The following ADCY8 variants were observed in gnomAD, a reference collection of about 807,000 sequenced individuals.
ADCY8 encodes the protein adenylate cyclase 8, also known as adenylate cyclase type 8.
A neutral mutation model predicts 119.7 loss-of-function variants in ADCY8; 51 were observed. That is an observed-to-expected ratio of 0.43 (90% CI 0.34 to 0.54). The LOEUF (loss-of-function observed/expected upper bound fraction) is 0.54, where lower values mean the gene tolerates loss of function less well. ADCY8 is among the 20% of genes least tolerant of loss of function. The pLI, the probability that ADCY8 is intolerant of heterozygous loss-of-function variation, is 0.03. For missense variants in ADCY8, 1,383 were observed against 1,598.8 expected (o/e 0.87, Z 2.30); for synonymous variants, 665 against 651.0 (o/e 1.02, Z -0.33).
At chr8:130,936,073 ATGTG>A (rs35028784) in intron 5 of ADCY8, among the ~76,000 whole-genome samples, 200 of 147,174 alleles carry the variant, frequency 1.4e-3, no homozygotes, top group African/African-American at 4.2e-3. Flanking sequence ...AAGCACTGAC[ATGTG>A]TGTGTGTGTG....
At chr8:130,836,045 C>T (rs1816975564) in intron 12 of ADCY8, among the ~76,000 whole-genome samples, 2 of 152,132 alleles carry the variant, frequency 1.3e-5, no homozygotes, top group Admixed American at 6.5e-5. Flanking sequence ...GAGACCTGAG[C>T]TACTATTCAG....
At chr8:130,846,878 T>TTCCCTCCCCTCCCTTCCCTTCCCC (rs1817337166) in intron 11 of ADCY8, among the ~76,000 whole-genome samples, 1 of 24,316 alleles carries the variant, frequency 4.1e-5, no homozygotes, top group Non-Finnish European at 7.0e-5. Flanking sequence ...TTCCCTTCCC[T>TTCCCTCCCCTCCCTTCCCTTCCCC]TCCCTTCCCT....
intron 12 of ADCY8, among the ~76,000 whole-genome samples, chr8:130,830,207 G>T (rs1377767766): frequency 6.6e-6 from 1 of 152,156 alleles, no homozygotes; most frequent in Non-Finnish European, 1.5e-5. Flanking sequence ...ACAAAGGAAA[G>T]CCTGTAAAAA....
chr8:130,889,113 T>C (rs546945839), intron 7 of ADCY8, among the ~76,000 whole-genome samples: 5 of 152,276 alleles, frequency 3.3e-5, no homozygotes, highest in African/African-American at 1.2e-4. Context: ...TAATTCACTC[T>C]TTCTCAAAAA....
At chr8:130,877,372 G>A (rs2130434058) in intron 8 of ADCY8, among the ~76,000 whole-genome samples, 1 of 152,254 alleles carries the variant, frequency 6.6e-6, no homozygotes, top group East Asian at 1.9e-4. Context: ...CAATGGAGTG[G>A]ACACAAACAG....
chr8:130,854,122 C>T (rs1207506043), intron 9 of ADCY8, among the ~76,000 whole-genome samples: 1 of 152,186 alleles, frequency 6.6e-6, no homozygotes, highest in Non-Finnish European at 1.5e-5. Context: ...ATCTCTGCAG[C>T]AGTTCCTCAG....
chr8:130,953,085 A>C (rs1319986559), intron 2 of ADCY8, among the ~76,000 whole-genome samples: 1 of 152,240 alleles, frequency 6.6e-6, no homozygotes, highest in Non-Finnish European at 1.5e-5. Flanking sequence ...TGTGGAAACT[A>C]GGCAAGAGGC....
chr8:130,946,618 A>T, intron 3 of ADCY8, among the ~76,000 whole-genome samples: 1 of 152,192 alleles, frequency 6.6e-6, no homozygotes, highest in East Asian at 1.9e-4. Flanking sequence ...GCACAATCAT[A>T]TGTGGCTAAG....
At chr8:130,850,150 C>A (rs1398045537) in intron 9 of ADCY8, among the ~76,000 whole-genome samples, 3 of 152,122 alleles carry the variant, frequency 2.0e-5, no homozygotes, top group East Asian at 1.9e-4. Flanking sequence ...ACCCACATAC[C>A]CTTTTCCCTT....
At chr8:130,968,467 G>T (rs977963839) in intron 2 of ADCY8, among the ~76,000 whole-genome samples, 1 of 152,114 alleles carries the variant, frequency 6.6e-6, no homozygotes, top group South Asian at 2.1e-4. Flanking sequence ...CACCGCACCC[G>T]GCCAGTTATT....
chr8:130,819,254 G>A (rs1409253160), intron 13 of ADCY8, among the ~76,000 whole-genome samples: 1 of 152,148 alleles, frequency 6.6e-6, no homozygotes, highest in East Asian at 1.9e-4. Context: ...ATGAGATGTG[G>A]TTATATAATT....
chr8:131,029,303 G>A (rs367830515), intron 1 of ADCY8, among the ~76,000 whole-genome samples: 7 of 152,262 alleles, frequency 4.6e-5, no homozygotes, highest in East Asian at 1.9e-4. Context: ...ATATTACAAC[G>A]TAATAATAAC....
chr8:131,007,110 A>T (rs1474461121), intron 1 of ADCY8, among the ~76,000 whole-genome samples: 1 of 152,240 alleles, frequency 6.6e-6, no homozygotes, highest in African/African-American at 2.4e-5. Flanking sequence ...TCTTATGCAG[A>T]TGTGTTATCT....
chr8:130,795,447 G>C (rs999566933), intron 15 of ADCY8, among the ~76,000 whole-genome samples: 4 of 152,216 alleles, frequency 2.6e-5, no homozygotes, highest in Non-Finnish European at 5.9e-5. Flanking sequence ...GCACACTCGC[G>C]AAGCCGACCC....
intron 16 of ADCY8, among the ~76,000 whole-genome samples, chr8:130,784,575 C>T (rs139555101): frequency 6.6e-4 from 101 of 152,246 alleles, no homozygotes; most frequent in African/African-American, 2.3e-3. Context: ...CTCAACATTG[C>T]CATTTTAGCT....
intron 12 of ADCY8, among the ~76,000 whole-genome samples, chr8:130,825,809 T>C (rs1460184622): frequency 6.6e-6 from 1 of 152,210 alleles, no homozygotes; most frequent in African/African-American, 2.4e-5. Flanking sequence ...CAGACCTTGA[T>C]TGATTTACTC....
Position 130,807,760 on chromosome 8 carries a change from G to A in ADCY8, c.2913+6309C>T, listed in dbSNP as rs55711755. Reference sequence around the variant, plus strand: ...AGCACTTTGGGAGGCCGAGGCGGGCGGATCACGAGGTCAGGAGATCGAGAC... The same window carrying A: ...AGCACTTTGGGAGGCCGAGGCGGGCAGATCACGAGGTCAGGAGATCGAGAC... On this transcript the variant is annotated intron_variant, in intron 14 of 17. Transcript: ENST00000286355. 6.0e-3 allele frequency among the ~76,000 whole-genome samples: 915 copies of A among 151,684 alleles called. 8 individuals carry two copies. The highest frequency in any genetic ancestry group is 0.027 in the South Asian group (130 of 4,776).
At position 130,810,986 on chromosome 8, in the gene ADCY8, G is replaced by A. The variant is rs377750052; in HGVS notation, c.2913+3083C>T. 1.4e-4 allele frequency among the ~76,000 whole-genome samples: 22 copies of A among 152,184 alleles called. No homozygotes were observed. The East Asian group carries it at 3.9e-3, about 27-fold the overall frequency. ...TCTCATTTCTCTTTGGATTTTACAT[G>A]TGGGGTTTTATTGTCTCCATCTGGT... On this transcript the variant is annotated intron_variant, in intron 14 of 17. Coordinates refer to ENST00000286355, the MANE Select transcript of ADCY8 (RefSeq NM_001115.3).
At chr8:130,988,974 A>G (rs951704939) in intron 2 of ADCY8, among the ~76,000 whole-genome samples, 2 of 152,244 alleles carry the variant, frequency 1.3e-5, no homozygotes, top group African/African-American at 4.8e-5. Context: ...CATTCTCTGA[A>G]TTGGCACAGA....
Sources: gnomAD v4.1 joint callset for allele counts (sites outside exome capture counted in the v4.1 genomes callset) on GRCh38, gnomAD v4.1.1 for gene constraint, MANE v1.5 for transcripts, NCBI Gene and HGNC (gene_info 2026-07-23, HGNC 2026-07-21) for gene names.